The following NID2 variants were observed in gnomAD, a reference collection of about 807,000 sequenced individuals.
NID2 encodes nidogen 2.
Under a neutral mutation model 145.4 loss-of-function variants are expected in NID2, and 83 were observed. That is an observed-to-expected ratio of 0.57 (90% CI 0.48 to 0.69). The LOEUF (loss-of-function observed/expected upper bound fraction) is 0.69. Among genes scored for constraint, NID2 ranks in the 30% least tolerant of loss-of-function variants. NID2 has a pLI of 0.00. For missense variants in NID2, 1,807 were observed against 1,765.7 expected, an observed-to-expected ratio of 1.02 and a Z score of -0.42; for synonymous variants, 739 against 701.3, an observed-to-expected ratio of 1.05 and a Z score of -0.85.
intron 9 of NID2, among the ~76,000 whole-genome samples, chr14:52,035,856 G>GTATATATATATA (rs60735637): frequency 0.015 from 978 of 65,220 alleles, 31 homozygotes; most frequent in East Asian, 0.079. Context: ...ATTTTTTTGT[G>GTATATATATATA]TATATATATA....
chr14:52,027,939 G>C (rs977118554), intron 11 of NID2, among the ~76,000 whole-genome samples: 1 of 151,966 alleles, frequency 6.6e-6, no homozygotes, highest in Non-Finnish European at 1.5e-5. Flanking sequence ...GGGATGAATT[G>C]GGATAGTTCT....
intron 3 of NID2, among the ~76,000 whole-genome samples, chr14:52,055,603 A>G (rs1397792526): frequency 6.6e-6 from 1 of 152,180 alleles, no homozygotes; most frequent in African/African-American, 2.4e-5. Context: ...TTTAGAGTCA[A>G]TGGTATACCC....
intron 11 of NID2, among the ~76,000 whole-genome samples, chr14:52,028,355 A>G (rs1054622811): frequency 6.6e-6 from 1 of 151,882 alleles, no homozygotes; most frequent in Non-Finnish European, 1.5e-5. Context: ...GTTCACTGCA[A>G]CCTCTGCCTC....
chr14:52,059,158 G>A (rs577267268), intron 3 of NID2, among the ~76,000 whole-genome samples: 1 of 152,316 alleles, frequency 6.6e-6, no homozygotes, highest in South Asian at 2.1e-4. Flanking sequence ...ATTCTTGTGA[G>A]TTTTAATTAA....
chr14:52,057,808 G>C (rs540646142), intron 3 of NID2, among the ~76,000 whole-genome samples: 7 of 151,768 alleles, frequency 4.6e-5, no homozygotes, highest in Non-Finnish European at 1.0e-4. Flanking sequence ...ATGGGCATTT[G>C]GGTGTTCATC....
At chr14:52,006,484 G>C in intron 20 of NID2, 53 bp downstream of exon 20, 1 of 1,606,428 alleles carries the variant, frequency 6.2e-7, no homozygotes, top group Non-Finnish European at 8.5e-7. Context: ...CAAGTGGTGT[G>C]TCCTCTGGAA....
chr14:52,008,095 C>T lies in NID2; in HGVS notation c.3723-128G>A, dbSNP rs889391398. On this transcript the variant is annotated intron_variant, in intron 18 of 21. Transcript: ENST00000216286. Reference sequence around the variant, plus strand: ...CTTAAGCAATCCCCTTGAGTTTGGGCTGCATTAGTAGTGTCTTGCTTCTTC... The same window carrying T: ...CTTAAGCAATCCCCTTGAGTTTGGGTTGCATTAGTAGTGTCTTGCTTCTTC... 28 of 686,728 alleles carry T rather than the reference C, an allele frequency of 4.1e-5. No individual in the cohort carries two copies. In the Admixed American group the frequency reaches 7.1e-4, roughly 17 times the overall value. The allele number at this position is 686,728 out of a possible 1,614,324, so 42.5% of individuals were successfully genotyped here. A position where few individuals can be genotyped will look rare whatever the true frequency, so the allele number is the denominator to read the frequency against.
At chr14:52,044,904 A>G (rs1388981269) in intron 5 of NID2, among the ~76,000 whole-genome samples, 2 of 152,104 alleles carry the variant, frequency 1.3e-5, no homozygotes, top group African/African-American at 2.4e-5. Context: ...GATTACAGGT[A>G]TGAGCCACCA....
Position 52,060,379 on chromosome 14 carries a change from AGAG to A in NID2, c.535-26_535-24del, listed in dbSNP as rs1345708431. On this transcript the variant is annotated intron_variant, in intron 2 of 21. Coordinates refer to ENST00000216286, the MANE Select transcript of NID2 (RefSeq NM_007361.4). ...CAGCTGTGAGGAAAAAAAAAAAAAA[AGAG>A]AGAGAGAGAGAGAGAAACATCCTGT... The A allele has an allele frequency of 4.1e-5, 31 of 759,834 alleles. No homozygotes were observed. The East Asian group carries it at 8.7e-4, about 21-fold the overall frequency. 47.1% of individuals were successfully genotyped at this position (759,834 alleles called of 1,614,324 possible).
chr14:52,065,471 TCCCCTTTC>T (rs1566778118), intron 2 of NID2, among the ~76,000 whole-genome samples: 1 of 127,576 alleles, frequency 7.8e-6, no homozygotes, highest in Admixed American at 8.0e-5. Flanking sequence ...TTTTTTTTTT[TCCCCTTTC>T]TTTTTTATTT....
Position 52,007,859 on chromosome 14 carries a change from A to G in NID2, c.3831T>C (p.Asn1277=). The change falls in exon 19 of 22, where the codon AAT becomes AAC. Residue 1277 remains asparagine, a synonymous_variant. Coordinates refer to ENST00000216286, the MANE Select transcript of NID2 (RefSeq NM_007361.4). The stretch of plus-strand genomic sequence containing the variant: ...TAGAGAAAGGGTCAAAGGTTAAGCC[A>G]TTGGGCAATCCAATGTCTGTATTGA... ...ILINTDIGLP[N]GLTFDPFSKL... is the part of the protein sequence containing the mutation. 6 of 1,614,016 alleles carry G rather than the reference A, an allele frequency of 3.7e-6. No homozygotes were observed. The highest frequency in any genetic ancestry group is 5.1e-6 in the Non-Finnish European group (6 of 1,179,956).
intron 3 of NID2, among the ~76,000 whole-genome samples, chr14:52,055,884 T>G (rs1892827678): frequency 6.6e-6 from 1 of 152,076 alleles, no homozygotes. Flanking sequence ...TCATGTGGAT[T>G]TCTATAGTAA....
intron 3 of NID2, 28 bp from the exon 4 acceptor site, chr14:52,054,349 A>G: frequency 6.3e-7 from 1 of 1,587,188 alleles, no homozygotes; most frequent in South Asian, 1.1e-5. Context: ...AGTCATTGTA[A>G]CAAATGTAAC....
At chr14:52,047,484 T>G (rs374142030) in intron 5 of NID2, among the ~76,000 whole-genome samples, 1 of 152,120 alleles carries the variant, frequency 6.6e-6, no homozygotes, top group African/African-American at 2.4e-5. Flanking sequence ...CAGGAAGGAT[T>G]TGAGCTTTCA....
chr14:52,060,961 G>C (rs1394758715), intron 2 of NID2, among the ~76,000 whole-genome samples: 2 of 152,136 alleles, frequency 1.3e-5, no homozygotes, highest in African/African-American at 4.8e-5. Context: ...AAAGACACAG[G>C]GGCTAACAGG....
Position 52,043,048 on chromosome 14 carries a change from A to G in NID2, c.1430-117T>C, listed in dbSNP as rs1029239471. ...TTTAGATCATAACAAACAGTTTTTG[A>G]TGTTTAAGAGACCGGCATAACATTC... On this transcript the variant is annotated intron_variant, in intron 5 of 21. Transcript: ENST00000216286. 18 of 969,526 alleles carry G rather than the reference A, an allele frequency of 1.9e-5. No individual in the cohort carries two copies. In the Admixed American group the frequency reaches 2.3e-4, roughly 12 times the overall value. The allele number at this position is 969,526 out of a possible 1,614,324, so 60.1% of individuals were successfully genotyped here.
Position 52,029,720 on chromosome 14 carries a change from A to G in NID2, c.2258-30T>C, listed in dbSNP as rs773857708. On this transcript the variant is annotated intron_variant, in intron 9 of 21. Coordinates refer to ENST00000216286, the MANE Select transcript of NID2 (RefSeq NM_007361.4). ...ATGAGTAGAGGGGAAATAAAAGCAC[A>G]ATCTGGCTATTGGTAAGCAAATGTC... is the stretch of plus-strand genomic sequence containing the variant. 6.2e-6 allele frequency: 10 copies of G among 1,602,620 alleles called. 1 individual carries two copies. In the South Asian group the frequency reaches 1.1e-4, roughly 18 times the overall value.
chr14:52,045,434 T>C (rs1892452317), intron 5 of NID2, among the ~76,000 whole-genome samples: 1 of 152,118 alleles, frequency 6.6e-6, no homozygotes, highest in Non-Finnish European at 1.5e-5. Context: ...AGGGCCTTGA[T>C]GACTTGGCTA....
chr14:52,019,282 C>T lies in NID2; in HGVS notation c.2807G>A (p.Ser936Asn). The change falls in exon 14 of 22, where the codon AGC (serine) becomes AAC (asparagine). Residue 936 changes from serine to asparagine, a missense_variant. Transcript: ENST00000216286. The stretch of plus-strand genomic sequence containing the variant: ...CTGCTGTTGTTCACAGGGTGTCAGG[C>T]TTGAGGTGGAGTCTTCCAGGATCAA... ...GFQCIPDSTS[S>N]LTPCEQQQRH... 1 of 1,587,546 alleles carries T rather than the reference C, an allele frequency of 6.3e-7. No individual in the cohort carries two copies. Among genetic ancestry groups the T allele is most frequent in the Non-Finnish European group, 8.6e-7 (1 of 1,159,640 alleles).
Sources: allele counts gnomAD v4.1 joint callset (sites outside exome capture counted in the v4.1 genomes callset), GRCh38; gene constraint gnomAD v4.1.1; transcripts MANE v1.5; gene names NCBI Gene and HGNC (gene_info 2026-07-23, HGNC 2026-07-21).